The following CHAT variants were observed in gnomAD, a reference collection of about 807,000 sequenced individuals.
The protein encoded by CHAT is choline O-acetyltransferase, also known as acetyl CoA:choline O-acetyltransferase.
A neutral mutation model predicts 76.9 loss-of-function variants in CHAT; 61 were observed. The observed-to-expected ratio is 0.79, with a 90% CI of 0.65 to 0.98. The LOEUF (loss-of-function observed/expected upper bound fraction) is 0.98. CHAT is among the 50% of genes least tolerant of loss of function. CHAT has a pLI of 0.00. For missense variants in CHAT, 946 were observed against 986.9 expected, an observed-to-expected ratio of 0.96 and a Z score of 0.56; for synonymous variants, 407 against 397.4, an observed-to-expected ratio of 1.02 and a Z score of -0.29.
intron 1 of CHAT, among the ~76,000 whole-genome samples, chr10:49,615,491 A>G (rs1838456836): frequency 6.6e-6 from 1 of 152,154 alleles, no homozygotes; most frequent in Non-Finnish European, 1.5e-5. Flanking sequence ...TGTTCCTGGC[A>G]ACAACCCTGC....
chr10:49,613,698 G>T (rs572660808), upstream of CHAT, among the ~76,000 whole-genome samples: 40 of 152,182 alleles, frequency 2.6e-4, 1 homozygote, highest in East Asian at 5.0e-3. Context: ...GGATGCTTTT[G>T]TCTGAGAGGA....
Position 49,619,875 on chromosome 10 carries a change from C to A in CHAT, c.538C>A (p.Gln180Lys), listed in dbSNP as rs1484558011. ...GAPGGLGETLQQKLLERQEKT... is the reference protein window; with the variant it reads ...GAPGGLGETLKQKLLERQEKT... ...CCCTGGTGGCCTCGGCGAGACCCTG[C>A]AGCAGAAACTCCTGGAGCGGCAGGA... is the stretch of plus-strand genomic sequence containing the variant. The change falls in exon 3 of 15, where the codon CAG (glutamine) becomes AAG (lysine). Residue 180 changes from glutamine to lysine, a missense_variant. Physicochemically the swap from Gln to Lys is moderately conservative, Grantham distance 53 (BLOSUM62 1). Coordinates refer to ENST00000337653, the MANE Select transcript of CHAT (RefSeq NM_020549.5). 1 of 1,613,342 alleles carries A rather than the reference C, an allele frequency of 6.2e-7. No individual in the cohort carries two copies. The highest frequency in any genetic ancestry group is 1.1e-5 in the South Asian group (1 of 90,740).
chr10:49,612,734 T>C (rs2132690413), upstream of CHAT: 1 of 199,758 alleles, frequency 5.0e-6, no homozygotes. Flanking sequence ...CGAGTCTCTT[T>C]ACTGGTGGGG....
At chr10:49,643,093 C>T (rs1839540676) in intron 7 of CHAT, among the ~76,000 whole-genome samples, 1 of 152,176 alleles carries the variant, frequency 6.6e-6, no homozygotes, top group Non-Finnish European at 1.5e-5. Flanking sequence ...TGTAAATGGC[C>T]TAAGGTCAAG....
chr10:49,662,760 G>T lies in CHAT; in HGVS notation c.1955G>T (p.Arg652Leu). The T allele has an allele frequency of 6.2e-7, 1 of 1,614,220 alleles. No homozygotes were observed. The highest frequency in any genetic ancestry group is 8.5e-7 in the Non-Finnish European group (1 of 1,180,048). Residue 652 changes from arginine (R) to leucine (L), a missense_variant, in exon 14 of 15, where the codon CGG becomes CTG. Around this residue, in one of 3 missense-constraint regions of CHAT, gnomAD observed 349 missense variants for 393.9 expected, o/e 0.89. Coordinates refer to ENST00000337653, the MANE Select transcript of CHAT (RefSeq NM_020549.5). ...GATGAAACCTACCTGATGAGCAACC[G>T]GTTTGTCCTCTCCACTAGCCAGGTA... Reference protein sequence around the residue: ...FMDETYLMSNRFVLSTSQVPT... With the variant: ...FMDETYLMSNLFVLSTSQVPT...
chr10:49,662,478 C>T lies in CHAT; in HGVS notation c.1840-167C>T, dbSNP rs560423076. ...CGGGAGCAGAGGCCGCATGGTAGAG[C>T]GGTCAGTCCTGAGCAGCCACTCATA... On this transcript the variant is annotated intron_variant, in intron 13 of 14. Coordinates refer to ENST00000337653, the MANE Select transcript of CHAT (RefSeq NM_020549.5). 3.8e-4 allele frequency among the ~76,000 whole-genome samples: 58 copies of T among 152,310 alleles called. 1 individual carries two copies. Among genetic ancestry groups the T allele is most frequent in the South Asian group, 2.7e-3 (13 of 4,818 alleles).
intron 13 of CHAT, among the ~76,000 whole-genome samples, chr10:49,660,505 G>C (rs1045836168): frequency 2.6e-5 from 4 of 151,448 alleles, no homozygotes; most frequent in Non-Finnish European, 5.9e-5. Context: ...GTAAAACTGA[G>C]AAATTCAGTA....
At chr10:49,627,557 G>A in intron 6 of CHAT, 51 bp from the exon 7 acceptor site, 1 of 1,590,350 alleles carries the variant, frequency 6.3e-7, no homozygotes, top group African/African-American at 1.3e-5. Context: ...GTGAAGGCCT[G>A]GTGCCACGGG....
chr10:49,625,337 C>A, intron 5 of CHAT, 136 bp from the exon 6 acceptor site: 2 of 778,022 alleles, frequency 2.6e-6, no homozygotes, highest in Non-Finnish European at 2.2e-6. Context: ...TTGAGCTCTG[C>A]ATCTGCCATG....
chr10:49,644,665 T>C (rs1041390241), intron 7 of CHAT, among the ~76,000 whole-genome samples: 1 of 147,454 alleles, frequency 6.8e-6, no homozygotes, highest in Admixed American at 6.8e-5. Flanking sequence ...CTTCCCAGAG[T>C]AGAAGGTCTG....
chr10:49,641,559 A>T lies in CHAT; in HGVS notation c.1112-4946A>T, dbSNP rs60806913. On this transcript the variant is annotated intron_variant, in intron 7 of 14. Coordinates refer to ENST00000337653, the MANE Select transcript of CHAT (RefSeq NM_020549.5). ...GAATTCTCATAGTCTCTGAGGACTGACAGCATAAAGATCACCCCCTAGGCC... is the reference window on the plus strand; with the variant it reads ...GAATTCTCATAGTCTCTGAGGACTGTCAGCATAAAGATCACCCCCTAGGCC... Among the ~76,000 whole-genome samples, 1,102 of 152,318 alleles carry T rather than the reference A, an allele frequency of 7.2e-3. 15 individuals carry two copies. Among genetic ancestry groups the T allele is most frequent in the African/African-American group, 0.025 (1,051 of 41,566 alleles).
chr10:49,656,382 C>T (rs1291337887), intron 13 of CHAT, among the ~76,000 whole-genome samples: 3 of 148,106 alleles, frequency 2.0e-5, no homozygotes, highest in Non-Finnish European at 4.4e-5. Flanking sequence ...AAGCCCTGTC[C>T]TTAGGGAGGT....
Position 49,614,256 on chromosome 10 carries a change from G to A in CHAT, c.67G>A (p.Gly23Arg). The change falls in exon 1 of 15, where the codon GGA becomes AGA. Residue 23 changes from glycine (G) to arginine (R), a missense_variant. Around this residue, in one of 3 missense-constraint regions of CHAT, gnomAD observed 548 missense variants for 516.2 expected, o/e 1.06. Transcript: ENST00000337653. ...GGGGAAATGGAAGAGAGAGGAGGGA[G>A]GAGGTACAAGAGGAAGGAGAGAAGT... ...GGGKWKREEG[G>R]GTRGRREVRP... 1 of 1,547,304 alleles carries A rather than the reference G, an allele frequency of 6.5e-7. No homozygotes were observed. Among genetic ancestry groups the A allele is most frequent in the Non-Finnish European group, 8.7e-7 (1 of 1,145,554 alleles).
In CHAT at chr10:49,655,128, C is replaced by A. The variant is rs55702495; in HGVS notation, c.1668C>A (p.Ser556Arg). ...LHRRLVPTYE[S>R]ASIRRFQEGR... Reference sequence around the variant, plus strand: ...GAAGACTGGTGCCCACCTACGAGAGCGCGTCCATCCGCCGATTCCAGGAGG... The same window carrying A: ...GAAGACTGGTGCCCACCTACGAGAGAGCGTCCATCCGCCGATTCCAGGAGG... Residue 556 changes from serine (S) to arginine (R), a missense_variant, in exon 12 of 15, where the codon AGC becomes AGA. Physicochemically the swap from Ser to Arg is moderately radical, Grantham distance 110 (BLOSUM62 -1). This residue lies in a region of CHAT where 349 missense variants were observed against 393.9 expected (regional missense o/e 0.89). Transcript: ENST00000337653. The A allele has an allele frequency of 6.2e-7, 1 of 1,614,122 alleles. No individual in the cohort carries two copies. Among genetic ancestry groups the A allele is most frequent in the South Asian group, 1.1e-5 (1 of 91,066 alleles).
At chr10:49,609,775 T>G (rs554868562), upstream of CHAT, among the ~76,000 whole-genome samples, 6 of 150,900 alleles carry the variant, frequency 4.0e-5, no homozygotes, top group East Asian at 9.8e-4. Context: ...GGAGAAAGGG[T>G]TGGGGGTGTC....
intron 10 of CHAT, among the ~76,000 whole-genome samples, chr10:49,650,831 AGG>A (rs1839853422): frequency 6.6e-6 from 1 of 152,080 alleles, no homozygotes; most frequent in South Asian, 2.1e-4. Context: ...GTGGGCATGG[AGG>A]GGCCTCAGGT....
At chr10:49,612,599 T>TG (rs756912210), upstream of CHAT, 2 of 491,410 alleles carry the variant, frequency 4.1e-6, no homozygotes, top group Non-Finnish European at 7.4e-6. Flanking sequence ...AGTCCCCACC[T>TG]GCGGCTCCCC....
At chr10:49,612,342 TC>T, upstream of CHAT, 2 of 1,574,898 alleles carry the variant, frequency 1.3e-6, no homozygotes, top group South Asian at 2.3e-5. Context: ...GCAGCTAGCA[TC>T]CCCACTCCTC....
intron 6 of CHAT, 107 bp downstream of exon 6, chr10:49,625,760 A>G: frequency 8.4e-7 from 1 of 1,187,960 alleles, no homozygotes; most frequent in South Asian, 1.3e-5. Flanking sequence ...CCTGAGTCAC[A>G]CAGGGAGCTG....
Sources: gnomAD v4.1 joint callset for allele counts (sites outside exome capture counted in the v4.1 genomes callset) on GRCh38, gnomAD v4.1.1 for gene constraint, gnomAD v4.1.1 regional missense constraint, MANE v1.5 for transcripts, NCBI Gene and HGNC (gene_info 2026-07-23, HGNC 2026-07-21) for gene names.